Variants in CNTLN observed in about 807,000 individuals in gnomAD.
CNTLN encodes centlein.
In CNTLN, 212 loss-of-function variants were observed where a neutral mutation model predicts 180.0. That is an observed-to-expected ratio of 1.18 (90% CI 1.05 to 1.32). The LOEUF is 1.32. CNTLN is among the 40% of genes most tolerant of loss of function. The pLI is 0.00. For synonymous variants in CNTLN, 722 were observed against 563.1 expected (o/e 1.28, Z -3.99); for missense variants, 2,095 against 1,610.9 (o/e 1.30, Z -5.14).
At chr9:17,147,865 C>T (rs1818564262) in intron 2 of CNTLN, among the ~76,000 whole-genome samples, 1 of 151,792 alleles carries the variant, frequency 6.6e-6, no homozygotes, top group South Asian at 2.1e-4. Context: ...TAAAGTTTGC[C>T]CTGTATTATT....
At chr9:17,226,384 G>T in intron 3 of CNTLN, 97 bp downstream of exon 3, 1 of 581,546 alleles carries the variant, frequency 1.7e-6, no homozygotes, top group Non-Finnish European at 2.9e-6. Flanking sequence ...TGTTTATTGA[G>T]AATATCAGGG....
chr9:17,514,010 G>C, the CNTLN span, among the ~76,000 whole-genome samples: 4 of 152,062 alleles, frequency 2.6e-5, no homozygotes, highest in Non-Finnish European at 5.9e-5. Flanking sequence ...ATTCACTTAA[G>C]AAGTGGTAGA....
chr9:17,521,595 T>A, the CNTLN span, among the ~76,000 whole-genome samples: 1 of 152,214 alleles, frequency 6.6e-6, no homozygotes, highest in African/African-American at 2.4e-5. Context: ...CAGACTGCAT[T>A]TTTTCAGCTT....
At chr9:17,327,817 G>A (rs1016525526) in intron 8 of CNTLN, among the ~76,000 whole-genome samples, 3 of 151,974 alleles carry the variant, frequency 2.0e-5, no homozygotes, top group Non-Finnish European at 4.4e-5. Context: ...GCTGGGCATG[G>A]TGGCAGATGC....
intron 2 of CNTLN, among the ~76,000 whole-genome samples, chr9:17,222,254 A>T (rs997795777): frequency 1.2e-4 from 19 of 152,076 alleles, no homozygotes; most frequent in African/African-American, 4.3e-4. Context: ...TCTCACTTGA[A>T]CTCACTCTAA....
At chr9:17,204,176 C>T (rs527979994) in intron 2 of CNTLN, among the ~76,000 whole-genome samples, 4 of 152,282 alleles carry the variant, frequency 2.6e-5, no homozygotes, top group South Asian at 2.1e-4. Flanking sequence ...TTGTCAATCT[C>T]GTTCTCCATC....
chr9:17,141,142 C>T (rs997583059), intron 1 of CNTLN, among the ~76,000 whole-genome samples: 5 of 152,114 alleles, frequency 3.3e-5, no homozygotes, highest in African/African-American at 9.7e-5. Context: ...ACCCATAAGG[C>T]AAGGGAGGTT....
intron 12 of CNTLN, among the ~76,000 whole-genome samples, chr9:17,345,717 C>G (rs1821828130): frequency 2.6e-5 from 4 of 152,042 alleles, no homozygotes; most frequent in Admixed American, 2.6e-4. Flanking sequence ...ACATTGAGAA[C>G]CTCATCACAA....
At position 17,394,791 on chromosome 9, in the gene CNTLN, A is replaced by G. The variant is rs1316406015; in HGVS notation, c.2337A>G (p.Ala779=). ...TCACTTCCCTGAGGAGACAAGTGGC[A>G]GAAGCTAATGCATTGAGAAATGAAA... ...TEVTSLRRQV[A]EANALRNENE... is the part of the protein sequence containing the mutation. The change falls in exon 15 of 26, where the codon GCA becomes GCG. Residue 779 remains alanine, a synonymous_variant. Transcript: ENST00000380647. 1 of 1,614,068 alleles carries G rather than the reference A, an allele frequency of 6.2e-7. No individual in the cohort carries two copies. The highest frequency in any genetic ancestry group is 1.7e-5 in the Admixed American group (1 of 59,982).
At position 17,143,231 on chromosome 9, in the gene CNTLN, T is replaced by A. The variant is rs1818226108; in HGVS notation, c.361-57T>A. Reference sequence around the variant, plus strand: ...TTTCATTTTAAAATTTAATGTAGTATCTTATTTCACTACCACTACAAAGCA... The same window carrying A: ...TTTCATTTTAAAATTTAATGTAGTAACTTATTTCACTACCACTACAAAGCA... On this transcript the variant is annotated intron_variant, in intron 1 of 25. Transcript: ENST00000380647. 5 of 1,205,642 alleles carry A rather than the reference T, an allele frequency of 4.1e-6. No individual in the cohort carries two copies. In the South Asian group the frequency reaches 5.2e-5, roughly 13 times the overall value. 74.7% of individuals were successfully genotyped at this position (1,205,642 alleles called of 1,614,324 possible).
chr9:17,513,587 T>C, the CNTLN span, among the ~76,000 whole-genome samples: 2 of 151,972 alleles, frequency 1.3e-5, no homozygotes, highest in African/African-American at 2.4e-5. Context: ...GTCCCAGCTA[T>C]GCAGGAGGTT....
chr9:17,352,627 T>C (rs1822476615), intron 12 of CNTLN, among the ~76,000 whole-genome samples: 1 of 152,114 alleles, frequency 6.6e-6, no homozygotes. Context: ...CACAGTGTTG[T>C]TTAGCAGTGA....
chr9:17,413,376 C>G (rs1166233128), intron 16 of CNTLN, among the ~76,000 whole-genome samples: 1 of 151,942 alleles, frequency 6.6e-6, no homozygotes, highest in South Asian at 2.1e-4. Context: ...AGACATGATA[C>G]CAAAAGCATG....
At chr9:17,270,218 A>T (rs375685726) in intron 5 of CNTLN, among the ~76,000 whole-genome samples, 19 of 152,128 alleles carry the variant, frequency 1.2e-4, no homozygotes, top group South Asian at 4.1e-4. Flanking sequence ...TTTAATGAAC[A>T]TTTCACCATT....
intron 14 of CNTLN, among the ~76,000 whole-genome samples, chr9:17,390,482 A>G (rs1342819851): frequency 6.6e-6 from 1 of 151,908 alleles, no homozygotes; most frequent in African/African-American, 2.4e-5. Flanking sequence ...GGGTTCAACT[A>G]ATCTGCCTGT....
rs921583404 is a variant in CNTLN at position 17,225,861 on chromosome 9, T to G, written c.450-342T>G. Among the ~76,000 whole-genome samples the G allele has an allele frequency of 6.6e-5, 10 of 151,988 alleles. 1 individual carries two copies. In the East Asian group the frequency reaches 1.9e-3, roughly 29 times the overall value. On this transcript the variant is annotated intron_variant, in intron 2 of 25. Coordinates refer to ENST00000380647, the MANE Select transcript of CNTLN (RefSeq NM_017738.4). Reference sequence around the variant, plus strand: ...TTGAGACTCTTAAAAAATGGTAAATTTTATCCTTAATATAATTGTGTATAT... The same window carrying G: ...TTGAGACTCTTAAAAAATGGTAAATGTTATCCTTAATATAATTGTGTATAT...
intron 5 of CNTLN, among the ~76,000 whole-genome samples, chr9:17,247,830 C>CTTTT (rs1825888889): frequency 1.2e-5 from 1 of 81,788 alleles, no homozygotes; most frequent in African/African-American, 5.2e-5. Context: ...TTTCTCTGTT[C>CTTTT]TTTCTTTTTT....
At chr9:17,523,800 G>A in the CNTLN span, among the ~76,000 whole-genome samples, 1 of 152,204 alleles carries the variant, frequency 6.6e-6, no homozygotes, top group African/African-American at 2.4e-5. Flanking sequence ...TTTTAAGAGG[G>A]ACCCCGTAAA....
At position 17,394,611 on chromosome 9, in the gene CNTLN, G is replaced by A. The variant is rs1196099221; in HGVS notation, c.2157G>A (p.Met719Ile). ...RKLKEGNKKL[M>I]KENDFLKSLL... ...TAAAAGAAGGGAATAAAAAATTAAT[G>A]AAAGAAAATGATTTTCTGAAATCCC... The change falls in exon 15 of 26, where the codon ATG becomes ATA. Residue 719 changes from methionine (M) to isoleucine (I), a missense_variant. Met to Ile is a conservative substitution (Grantham distance 10). Coordinates refer to ENST00000380647, the MANE Select transcript of CNTLN (RefSeq NM_017738.4). The A allele has an allele frequency of 6.3e-7, 1 of 1,596,264 alleles. No individual in the cohort carries two copies. Among genetic ancestry groups the A allele is most frequent in the South Asian group, 1.2e-5 (1 of 86,008 alleles).
Sources: gnomAD v4.1 joint callset for allele counts (sites outside exome capture counted in the v4.1 genomes callset) on GRCh38, gnomAD v4.1.1 for gene constraint, MANE v1.5 for transcripts, NCBI Gene and HGNC (gene_info 2026-07-23, HGNC 2026-07-21) for gene names.